Variants in ACYP2 observed in about 807,000 individuals in gnomAD.
ACYP2 encodes acylphosphatase-2.
A neutral mutation model predicts 11.2 loss-of-function variants in ACYP2; 12 were observed. That is an observed-to-expected ratio of 1.08 (90% CI 0.69 to 1.74). The LOEUF is 1.74. Among genes scored for constraint, ACYP2 ranks in the 40% most tolerant of loss-of-function variants. The pLI is 0.00. For synonymous variants in ACYP2, 43 were observed against 32.2 expected, an observed-to-expected ratio of 1.33 and a Z score of -1.13; for missense variants, 134 against 101.9, an observed-to-expected ratio of 1.31 and a Z score of -1.35.
At chr2:54,023,224 T>G (rs1337136179) in intron 2 of ACYP2, among the ~76,000 whole-genome samples, 1 of 152,236 alleles carries the variant, frequency 6.6e-6, no homozygotes, top group African/African-American at 2.4e-5. Flanking sequence ...TATGTGTGTG[T>G]GGGTTGTGAC....
chr2:54,029,837 G>C (rs1205026115), intron 2 of ACYP2: 4 of 428,752 alleles, frequency 9.3e-6, no homozygotes, highest in African/African-American at 8.3e-5. Context: ...CCACTCCCTT[G>C]ATGTCTACAA....
At chr2:54,181,457 A>G (rs147448442) in intron 6 of ACYP2, among the ~76,000 whole-genome samples, 63 of 152,332 alleles carry the variant, frequency 4.1e-4, no homozygotes, top group African/African-American at 1.5e-3. Context: ...TAACAAGAAC[A>G]TAATGATAAT....
chr2:53,990,943 C>G (rs976224782), intron 2 of ACYP2, among the ~76,000 whole-genome samples: 1 of 151,930 alleles, frequency 6.6e-6, no homozygotes, highest in South Asian at 2.1e-4. Context: ...ATTACAGGTG[C>G]CCGCCACCAC....
At chr2:54,084,167 A>C (rs1250864459) in intron 4 of ACYP2, among the ~76,000 whole-genome samples, 2 of 152,222 alleles carry the variant, frequency 1.3e-5, no homozygotes, top group Admixed American at 1.3e-4. Flanking sequence ...ATAAGGTTCT[A>C]CTACTCCAAA....
chr2:54,095,693 G>C (rs1198289170), intron 4 of ACYP2, among the ~76,000 whole-genome samples: 3 of 133,608 alleles, frequency 2.2e-5, no homozygotes, highest in Admixed American at 2.1e-4. Context: ...GGACGGGGCG[G>C]CTGGCCGGGC....
chr2:54,001,453 G>C (rs922985879), intron 2 of ACYP2, among the ~76,000 whole-genome samples: 2 of 152,152 alleles, frequency 1.3e-5, no homozygotes, highest in African/African-American at 4.8e-5. Flanking sequence ...AAGTGCAGTG[G>C]TGTGATCTCA....
chr2:54,255,097 G>T (rs1687428372), intron 6 of ACYP2: 1 of 1,614,170 alleles, frequency 6.2e-7, no homozygotes. Context: ...TGAAAACCAG[G>T]TGAAGAAGCT....
At chr2:54,140,269 G>A (rs530433602) in intron 6 of ACYP2, among the ~76,000 whole-genome samples, 37 of 152,254 alleles carry the variant, frequency 2.4e-4, no homozygotes, top group African/African-American at 8.2e-4. Context: ...CATGATTCGA[G>A]GGAGCCTAGA....
chr2:54,062,413 T>G (rs2103633690), intron 4 of ACYP2, among the ~76,000 whole-genome samples: 1 of 152,358 alleles, frequency 6.6e-6, no homozygotes, highest in South Asian at 2.1e-4. Context: ...TCATTTCCAC[T>G]GTGACATTGA....
At position 54,272,683 on chromosome 2, in the gene ACYP2, T is replaced by A. The variant is rs180756459; in HGVS notation, c.405-32005T>A. Among the ~76,000 whole-genome samples, 4 of 152,372 alleles carry A rather than the reference T, an allele frequency of 2.6e-5. No homozygotes were observed. In the East Asian group the frequency reaches 7.7e-4, roughly 29 times the overall value. On this transcript the variant is annotated intron_variant, in intron 6 of 6. Coordinates refer to ENST00000607452, the MANE Select transcript of ACYP2 (RefSeq NM_001320586.2). ...CCAATTTTGACAGGCTGACTGTTCC[T>A]GAATATGCATTATACAAATTCTCAC...
intron 5 of ACYP2, 54 bp from the exon 3 acceptor site, chr2:54,138,585 T>C: frequency 2.1e-6 from 3 of 1,416,228 alleles, no homozygotes; most frequent in Non-Finnish European, 2.9e-6. Context: ...AAGTATGTTA[T>C]GAACTCAGAC....
chr2:54,034,522 C>T (rs912047855), intron 2 of ACYP2, among the ~76,000 whole-genome samples: 29 of 152,214 alleles, frequency 1.9e-4, no homozygotes, highest in African/African-American at 6.8e-4. Context: ...AGTCTATCCC[C>T]TATCACCTGG....
chr2:54,118,959 C>G (rs1679978884), intron 4 of ACYP2, among the ~76,000 whole-genome samples: 1 of 145,488 alleles, frequency 6.9e-6, no homozygotes, highest in Admixed American at 6.9e-5. Flanking sequence ...AATGGTTTTT[C>G]TCATTTAACA....
At chr2:54,126,076 G>A (rs936183887) in intron 4 of ACYP2, among the ~76,000 whole-genome samples, 1 of 151,840 alleles carries the variant, frequency 6.6e-6, no homozygotes, top group African/African-American at 2.4e-5. Flanking sequence ...GAGAGACTCC[G>A]ACTCAAAAAA....
chr2:54,263,349 C>T (rs1317574828), intron 6 of ACYP2, among the ~76,000 whole-genome samples: 1 of 152,156 alleles, frequency 6.6e-6, no homozygotes, highest in Non-Finnish European at 1.5e-5. Context: ...TGAGAAGCTG[C>T]CCCCATGATC....
intron 2 of ACYP2, among the ~76,000 whole-genome samples, chr2:53,977,465 A>G (rs1376083603): frequency 6.6e-6 from 1 of 151,896 alleles, no homozygotes; most frequent in Non-Finnish European, 1.5e-5. Flanking sequence ...AGTCACTGCC[A>G]GGCTCACACC....
chr2:54,100,683 A>C (rs927556645), intron 4 of ACYP2, among the ~76,000 whole-genome samples: 1 of 152,106 alleles, frequency 6.6e-6, no homozygotes, highest in Non-Finnish European at 1.5e-5. Context: ...TATTTGGTCC[A>C]TGTCAGGAAT....
At chr2:54,086,062 G>T (rs1677930288) in intron 4 of ACYP2, among the ~76,000 whole-genome samples, 1 of 152,068 alleles carries the variant, frequency 6.6e-6, no homozygotes, top group Admixed American at 6.6e-5. Flanking sequence ...TCCTGACCCA[G>T]CCTCCAGAGT....
chr2:54,015,663 A>T (rs1325263027), intron 2 of ACYP2, among the ~76,000 whole-genome samples: 1 of 151,494 alleles, frequency 6.6e-6, no homozygotes, highest in Non-Finnish European at 1.5e-5. Context: ...ACACACACAC[A>T]CACACACACA....
Sources: gnomAD v4.1 joint callset for allele counts (sites outside exome capture counted in the v4.1 genomes callset) on GRCh38, gnomAD v4.1.1 for gene constraint, MANE v1.5 for transcripts, NCBI Gene and HGNC (gene_info 2026-07-23, HGNC 2026-07-21) for gene names.